Variants in CUL2 observed in about 807,000 individuals in gnomAD.
CUL2 encodes the protein cullin 2, also known as cullin-2.
In CUL2, 22 loss-of-function variants were observed where a neutral mutation model predicts 110.2. The ratio of observed to expected loss-of-function variants is 0.20; its 90% CI spans 0.14 to 0.28. CUL2 has a LOEUF of 0.28. Among genes scored for constraint, CUL2 ranks in the 10% least tolerant of loss-of-function variants. CUL2 has a pLI of 1.00. For synonymous variants in CUL2, 279 were observed against 293.2 expected (o/e 0.95, Z 0.49); for missense variants, 631 against 905.5 (o/e 0.70, Z 3.89).
chr10:35,067,068 C>A (rs2086547308), intron 2 of CUL2, among the ~76,000 whole-genome samples: 1 of 150,742 alleles, frequency 6.6e-6, no homozygotes, highest in Admixed American at 6.6e-5. Flanking sequence ...AGAATTGCCT[C>A]CCGGAGGTTG....
At chr10:35,027,849 A>G (rs1421185768) in intron 16 of CUL2, among the ~76,000 whole-genome samples, 4 of 152,210 alleles carry the variant, frequency 2.6e-5, no homozygotes, top group African/African-American at 7.2e-5. Flanking sequence ...CTCACTTCCT[A>G]TTTGTAAATG....
At chr10:35,046,606 T>C (rs576566051) in intron 6 of CUL2, among the ~76,000 whole-genome samples, 4 of 152,258 alleles carry the variant, frequency 2.6e-5, no homozygotes, top group Admixed American at 1.3e-4. Context: ...AAAACTGGGT[T>C]ATTGGCCAGG....
intron 1 of CUL2, among the ~76,000 whole-genome samples, chr10:35,119,696 G>A (rs1373759652): frequency 6.6e-6 from 1 of 151,784 alleles, no homozygotes; most frequent in East Asian, 1.9e-4. Flanking sequence ...TCAGCCTTCC[G>A]CCTAGCTGGG....
At chr10:35,030,366 T>C (rs970731919) in intron 14 of CUL2, among the ~76,000 whole-genome samples, 2 of 152,132 alleles carry the variant, frequency 1.3e-5, no homozygotes, top group African/African-American at 4.8e-5. Flanking sequence ...AAAAAGCTCA[T>C]TAACACTACT....
chr10:35,109,619 C>T (rs74132498), intron 1 of CUL2, among the ~76,000 whole-genome samples: 1,991 of 152,310 alleles, frequency 0.013, 50 homozygotes, highest in African/African-American at 0.046. Context: ...GAGAGGCCAG[C>T]CCCACAAACA....
intron 17 of CUL2, among the ~76,000 whole-genome samples, chr10:35,023,468 A>G (rs1289677437): frequency 6.6e-6 from 1 of 152,248 alleles, no homozygotes; most frequent in Non-Finnish European, 1.5e-5. Flanking sequence ...GAAATTTAGT[A>G]TAGCTCAAAA....
intron 1 of CUL2, among the ~76,000 whole-genome samples, chr10:35,106,405 C>T (rs1402982899): frequency 6.6e-6 from 1 of 151,844 alleles, no homozygotes; most frequent in Non-Finnish European, 1.5e-5. Context: ...CTGCAAGCTC[C>T]GCCTCTCAGG....
At chr10:35,049,171 G>C (rs977661616) in intron 6 of CUL2, among the ~76,000 whole-genome samples, 1 of 152,018 alleles carries the variant, frequency 6.6e-6, no homozygotes, top group African/African-American at 2.4e-5. Flanking sequence ...ACAGCACTAG[G>C]GTAAAAAGTG....
intron 4 of CUL2, among the ~76,000 whole-genome samples, chr10:35,058,029 C>T (rs1310983020): frequency 6.6e-6 from 1 of 152,060 alleles, no homozygotes; most frequent in South Asian, 2.1e-4. Flanking sequence ...ATCTGGGAGG[C>T]GGATGCTGCA....
chr10:35,099,353 T>C (rs1333356975), intron 2 of CUL2, among the ~76,000 whole-genome samples: 2 of 146,918 alleles, frequency 1.4e-5, no homozygotes. Context: ...ATAGCATGGC[T>C]GCACTCCAGC....
At chr10:35,012,551 G>A (rs969194136) in intron 19 of CUL2, among the ~76,000 whole-genome samples, 29 of 152,062 alleles carry the variant, frequency 1.9e-4, no homozygotes, top group African/African-American at 5.1e-4. Context: ...CTATCTCCAC[G>A]GAGCTCAAGA....
At chr10:35,086,216 G>A (rs1420946211) in intron 1 of CUL2, among the ~76,000 whole-genome samples, 1 of 151,904 alleles carries the variant, frequency 6.6e-6, no homozygotes, top group Non-Finnish European at 1.5e-5. Context: ...AAGAAACAAG[G>A]CCGGGCACAG....
intron 1 of CUL2, among the ~76,000 whole-genome samples, chr10:35,123,555 C>A (rs551500133): frequency 1.3e-5 from 2 of 152,230 alleles, no homozygotes; most frequent in South Asian, 4.1e-4. Context: ...AGCATAGGGC[C>A]TGGAACATAG....
chr10:35,014,586 A>C (rs574692422), intron 18 of CUL2, among the ~76,000 whole-genome samples: 1 of 152,244 alleles, frequency 6.6e-6, no homozygotes, highest in African/African-American at 2.4e-5. Context: ...TAATCCCACC[A>C]CTTTGGGAGG....
chr10:35,088,073 G>C (rs554144190), intron 1 of CUL2, among the ~76,000 whole-genome samples: 56 of 152,198 alleles, frequency 3.7e-4, no homozygotes, highest in Non-Finnish European at 6.0e-4. Flanking sequence ...TTCTTTTCTG[G>C]TTACAGTATC....
chr10:35,076,250 T>C (rs1218780577), intron 1 of CUL2, among the ~76,000 whole-genome samples: 1 of 151,970 alleles, frequency 6.6e-6, no homozygotes, highest in Non-Finnish European at 1.5e-5. Flanking sequence ...AGTATGTGAG[T>C]GGTTGACTAG....
rs139186740 is a variant in CUL2 at position 35,080,830 on chromosome 10, A to C, written c.-23+9349T>G. 2.5e-3 allele frequency among the ~76,000 whole-genome samples: 382 copies of C among 152,314 alleles called. 3 individuals carry two copies. Among genetic ancestry groups the C allele is most frequent in the African/African-American group, 8.9e-3 (370 of 41,576 alleles). ...AGTGAACAGACATATGGTGTGTGCC[A>C]AAATGTATACTGCAGGAAAACATCT... On this transcript the variant is annotated intron_variant, in intron 1 of 20. Transcript: ENST00000374749.
chr10:35,081,459 T>C (rs1460528263), intron 1 of CUL2, among the ~76,000 whole-genome samples: 1 of 152,166 alleles, frequency 6.6e-6, no homozygotes, highest in East Asian at 1.9e-4. Context: ...AAAAAACTAT[T>C]CTCATATATG....
chr10:35,109,090 A>G (rs1316828404), intron 1 of CUL2, among the ~76,000 whole-genome samples: 3 of 152,084 alleles, frequency 2.0e-5, no homozygotes, highest in Non-Finnish European at 4.4e-5. Context: ...GTGCACACCT[A>G]TAGTTCCAGC....
Sources: allele counts gnomAD v4.1 joint callset (sites outside exome capture counted in the v4.1 genomes callset), GRCh38; gene constraint gnomAD v4.1.1; transcripts MANE v1.5; gene names NCBI Gene and HGNC (gene_info 2026-07-23, HGNC 2026-07-21).